GABBR2: variants seen among roughly 807,000 people sequenced by gnomAD.
GABBR2 encodes the protein G-protein coupled receptor 51.
Under a neutral mutation model 105.6 loss-of-function variants are expected in GABBR2, and 23 were observed. The ratio of observed to expected loss-of-function variants is 0.22; its 90% CI spans 0.16 to 0.31. The LOEUF (loss-of-function observed/expected upper bound fraction) is 0.31. GABBR2 is among the 10% of genes least tolerant of loss of function. The pLI is 1.00. For missense variants in GABBR2, 734 were observed against 1,245.5 expected (o/e 0.59, Z 6.18); for synonymous variants, 478 against 499.7 (o/e 0.96, Z 0.58).
intron 13 of GABBR2, among the ~76,000 whole-genome samples, chr9:98,327,707 A>G (rs112205124): frequency 0.032 from 4,857 of 151,964 alleles, 267 homozygotes; most frequent in African/African-American, 0.11. Flanking sequence ...CGTCTCTACT[A>G]AAAATACAAA....
At chr9:98,411,470 A>T (rs1832589456) in intron 7 of GABBR2, among the ~76,000 whole-genome samples, 1 of 152,234 alleles carries the variant, frequency 6.6e-6, no homozygotes. Flanking sequence ...ATAATTATGA[A>T]ATGAGAATAG....
chr9:98,323,667 G>A (rs1418036134), intron 13 of GABBR2, among the ~76,000 whole-genome samples: 1 of 152,186 alleles, frequency 6.6e-6, no homozygotes, highest in East Asian at 1.9e-4. Flanking sequence ...CCAGGCCTTG[G>A]ACCTCCCAGC....
chr9:98,497,132 G>A (rs187931353), intron 3 of GABBR2, among the ~76,000 whole-genome samples: 3 of 152,188 alleles, frequency 2.0e-5, no homozygotes, highest in Non-Finnish European at 4.4e-5. Context: ...GGCTGGGCGT[G>A]GGCTCACACC....
intron 1 of GABBR2, among the ~76,000 whole-genome samples, chr9:98,638,049 C>T (rs902104991): frequency 5.9e-5 from 9 of 152,134 alleles, no homozygotes; most frequent in African/African-American, 1.9e-4. Flanking sequence ...ATAACCTGCC[C>T]GGGGTCATAC....
chr9:98,345,908 A>C (rs1415910844), intron 13 of GABBR2, among the ~76,000 whole-genome samples: 1 of 152,258 alleles, frequency 6.6e-6, no homozygotes, highest in Non-Finnish European at 1.5e-5. Flanking sequence ...TGTACATAAA[A>C]GTTATGTTGA....
At chr9:98,384,360 G>A (rs892615680) in intron 11 of GABBR2, among the ~76,000 whole-genome samples, 2 of 152,182 alleles carry the variant, frequency 1.3e-5, no homozygotes, top group Non-Finnish European at 2.9e-5. Flanking sequence ...GGAGGCCGAG[G>A]CAGGCAGATC....
chr9:98,408,650 G>C (rs554442454), intron 7 of GABBR2, among the ~76,000 whole-genome samples: 1 of 152,332 alleles, frequency 6.6e-6, no homozygotes, highest in African/African-American at 2.4e-5. Flanking sequence ...CCCTTCTAGG[G>C]ACTGATGCCT....
At chr9:98,341,695 GTTC>G (rs1470654708) in intron 13 of GABBR2, among the ~76,000 whole-genome samples, 5 of 152,192 alleles carry the variant, frequency 3.3e-5, no homozygotes, top group Non-Finnish European at 2.9e-5. Context: ...CTGGTACTCA[GTTC>G]CACGAGGACC....
At position 98,520,144 on chromosome 9, in the gene GABBR2, G is replaced by A. The variant is rs143912402; in HGVS notation, c.630+21729C>T. Among the ~76,000 whole-genome samples the A allele has an allele frequency of 1.1e-4, 16 of 152,252 alleles. No homozygotes were observed. In the East Asian group the frequency reaches 2.9e-3, roughly 28 times the overall value. On this transcript the variant is annotated intron_variant, in intron 3 of 18. Coordinates refer to ENST00000259455, the MANE Select transcript of GABBR2 (RefSeq NM_005458.8). ...TTCTTGAAAAGGTAAGCTAATATAC[G>A]CTAAGTGTCTACCATGGCTAAGGTT...
At chr9:98,305,839 T>C (rs1830542810) in intron 15 of GABBR2, among the ~76,000 whole-genome samples, 1 of 150,714 alleles carries the variant, frequency 6.6e-6, no homozygotes, top group South Asian at 2.1e-4. Flanking sequence ...CTCCTAGCCA[T>C]TAAGAAAAAG....
intron 2 of GABBR2, among the ~76,000 whole-genome samples, chr9:98,558,555 T>C (rs1828621733): frequency 6.6e-6 from 1 of 152,218 alleles, no homozygotes; most frequent in Non-Finnish European, 1.5e-5. Context: ...AGTTCATGGC[T>C]GGCAGGGCTA....
At chr9:98,706,817 A>G (rs1830901038) in intron 1 of GABBR2, among the ~76,000 whole-genome samples, 1 of 152,248 alleles carries the variant, frequency 6.6e-6, no homozygotes, top group Non-Finnish European at 1.5e-5. Context: ...CAACAGAGAA[A>G]CTGTCAAGAA....
At chr9:98,383,043 C>T (rs1197384456) in intron 11 of GABBR2, among the ~76,000 whole-genome samples, 9 of 152,114 alleles carry the variant, frequency 5.9e-5, no homozygotes, top group African/African-American at 1.2e-4. Context: ...CAGGTTCAAG[C>T]GATTCTCCTG....
intron 5 of GABBR2, among the ~76,000 whole-genome samples, chr9:98,474,553 T>G (rs1178460509): frequency 6.6e-6 from 1 of 152,152 alleles, no homozygotes; most frequent in Non-Finnish European, 1.5e-5. Context: ...CTGCCCGCAT[T>G]CTAAACTGAA....
intron 4 of GABBR2, among the ~76,000 whole-genome samples, chr9:98,495,429 G>C (rs1827257589): frequency 1.3e-5 from 2 of 152,184 alleles, no homozygotes; most frequent in African/African-American, 2.4e-5. Flanking sequence ...AGGAATGGAG[G>C]AGAGGGAAAG....
chr9:98,591,280 C>T (rs773599431), intron 1 of GABBR2, among the ~76,000 whole-genome samples: 10 of 152,062 alleles, frequency 6.6e-5, no homozygotes, highest in Middle Eastern at 3.2e-3. Flanking sequence ...TAGGAAGTTG[C>T]GGGGCACCTT....
At chr9:98,418,815 C>T (rs894386216) in intron 7 of GABBR2, among the ~76,000 whole-genome samples, 1 of 152,174 alleles carries the variant, frequency 6.6e-6, no homozygotes, top group Admixed American at 6.5e-5. Flanking sequence ...GTGGCTGAGC[C>T]AAGGGAGCTT....
In GABBR2 at chr9:98,481,392, C is replaced by T. The variant is rs115395821; in HGVS notation, c.733-395G>A. The stretch of plus-strand genomic sequence containing the variant: ...CACTTTACATATAGGAAAACTGAGG[C>T]CAGATGAGGAGAAAGGAGCTTCTAA... On this transcript the variant is annotated intron_variant, in intron 4 of 18. Transcript: ENST00000259455. Among the ~76,000 whole-genome samples the T allele has an allele frequency of 8.9e-3, 1,350 of 152,296 alleles. 12 individuals are homozygous for T. The highest frequency in any genetic ancestry group is 0.031 in the African/African-American group (1,303 of 41,544).
At chr9:98,589,496 T>G (rs901962837) in intron 1 of GABBR2, among the ~76,000 whole-genome samples, 8 of 152,178 alleles carry the variant, frequency 5.3e-5, no homozygotes, top group Non-Finnish European at 4.4e-5. Flanking sequence ...ACGCCTGCTG[T>G]AAGCATTTTG....
Sources: gnomAD v4.1 joint callset for allele counts (sites outside exome capture counted in the v4.1 genomes callset) on GRCh38, gnomAD v4.1.1 for gene constraint, MANE v1.5 for transcripts, NCBI Gene and HGNC (gene_info 2026-07-23, HGNC 2026-07-21) for gene names.